Variants in NUTM2A observed in about 807,000 individuals in gnomAD.
NUTM2A encodes NUT family member 2A, also known as family with sequence similarity 22, member A.
Under a neutral mutation model 24.4 loss-of-function variants are expected in NUTM2A, and 3 were observed. That is an observed-to-expected ratio of 0.12 (90% CI 0.06 to 0.32). The LOEUF is 0.32. NUTM2A is among the 10% of genes least tolerant of loss of function. NUTM2A has a pLI of 1.00. For synonymous variants in NUTM2A, 11 were observed against 278.4 expected (o/e 0.04, Z 9.56); for missense variants, 39 against 631.1 (o/e 0.06, Z 10.05).
chr10:87,229,262 G>A (rs1589298509), intron 2 of NUTM2A, among the ~76,000 whole-genome samples: 1 of 152,186 alleles, frequency 6.6e-6, no homozygotes, highest in South Asian at 2.1e-4. Context: ...GGTGTGACGT[G>A]AGCTACGGTT....
intron 2 of NUTM2A, among the ~76,000 whole-genome samples, chr10:87,229,247 T>C (rs1252874492): frequency 6.6e-6 from 1 of 151,978 alleles, no homozygotes; most frequent in Non-Finnish European, 1.5e-5. Flanking sequence ...TCAGAGAGGG[T>C]TCCTGGTGTG....
Position 87,228,651 on chromosome 10 carries a change from T to TA in NUTM2A, c.772dup (p.Met258AsnfsTer13), listed in dbSNP as rs1849342042. On this transcript the variant is annotated frameshift_variant, in exon 2 of 7. Coordinates refer to ENST00000381707, the MANE Select transcript of NUTM2A (RefSeq NM_001099338.2). LOFTEE classifies it high-confidence loss of function. ...TGGCAGCTGCTCCTGTGGTGCCTGTTATGGCTGCCCAGGTGGTTGGGGGCA... is the reference window on the plus strand; with the variant it reads ...TGGCAGCTGCTCCTGTGGTGCCTGTTAATGGCTGCCCAGGTGGTTGGGGGCA... 1.1e-5 allele frequency: 15 copies of TA among 1,390,774 alleles called. No homozygotes were observed. Among genetic ancestry groups the TA allele is most frequent in the Non-Finnish European group, 1.5e-5 (15 of 1,027,024 alleles). The allele number at this position is 1,390,774 out of a possible 1,614,324, so 86.2% of individuals were successfully genotyped here. A position where few individuals can be genotyped will look rare whatever the true frequency, so the allele number is the denominator to read the frequency against.
In NUTM2A at chr10:87,234,885, G is replaced by C. The variant is rs1235909034; in HGVS notation, c.*177G>C. On this transcript the variant is annotated 3_prime_UTR_variant, in exon 7 of 7. Transcript: ENST00000381707. ...GCTGAATGGGGAGGGCAGGAAGGGA[G>C]GGTCTGGGGGGAAGGGGCTGGGGAG... 7.1e-7 allele frequency: 1 copy of C among 1,402,820 alleles called. No homozygotes were observed. Among genetic ancestry groups the C allele is most frequent in the Non-Finnish European group, 9.4e-7 (1 of 1,068,402 alleles). 86.9% of individuals were successfully genotyped at this position (1,402,820 alleles called of 1,614,324 possible).
intron 2 of NUTM2A, among the ~76,000 whole-genome samples, chr10:87,229,624 A>G (rs1482373327): frequency 6.6e-6 from 1 of 152,212 alleles, no homozygotes; most frequent in Non-Finnish European, 1.5e-5. Flanking sequence ...GACACATTAC[A>G]TGACAGCAGT....
In NUTM2A at chr10:87,229,126, G is replaced by T. The variant is rs1160853570; in HGVS notation, c.1082+164G>T. The stretch of plus-strand genomic sequence containing the variant: ...TTTTGACCATATTAATCTGGCTGCG[G>T]CTCAGGACAGACTGTCAGGGGCCTC... On this transcript the variant is annotated intron_variant, in intron 2 of 6. Transcript: ENST00000381707. Among the ~76,000 whole-genome samples the T allele has an allele frequency of 2.6e-5, 4 of 152,332 alleles. No homozygotes were observed. In the East Asian group the frequency reaches 5.8e-4, roughly 22 times the overall value.
chr10:87,233,191 T>C (rs1849390376), intron 5 of NUTM2A, among the ~76,000 whole-genome samples: 1 of 103,934 alleles, frequency 9.6e-6, no homozygotes, highest in Non-Finnish European at 2.1e-5. Context: ...TGTGTCTGTG[T>C]GGGTGTGAGT....
intron 5 of NUTM2A, among the ~76,000 whole-genome samples, chr10:87,233,259 TTG>T (rs1259057310): frequency 2.8e-5 from 1 of 36,338 alleles, no homozygotes; most frequent in East Asian, 4.1e-4. Context: ...GTGGGTCTGT[TTG>T]TGTGTCTGTG....
chr10:87,234,885 G>A lies in NUTM2A; in HGVS notation c.*177G>A. 7.1e-7 allele frequency: 1 copy of A among 1,402,926 alleles called. No individual in the cohort carries two copies. Among genetic ancestry groups the A allele is most frequent in the Non-Finnish European group, 9.4e-7 (1 of 1,068,396 alleles). 86.9% of individuals were successfully genotyped at this position (1,402,926 alleles called of 1,614,324 possible). ...GCTGAATGGGGAGGGCAGGAAGGGA[G>A]GGTCTGGGGGGAAGGGGCTGGGGAG... On this transcript the variant is annotated 3_prime_UTR_variant, in exon 7 of 7. Transcript: ENST00000381707.
intron 2 of NUTM2A, 95 bp downstream of exon 2, chr10:87,229,057 A>G (rs1485242663): frequency 1.2e-5 from 15 of 1,267,538 alleles, no homozygotes; most frequent in East Asian, 2.3e-5. Context: ...GGGAGCTTGC[A>G]GGGCGGTTGT....
intron 2 of NUTM2A, among the ~76,000 whole-genome samples, chr10:87,229,268 C>T (rs1469812068): frequency 4.6e-5 from 7 of 152,192 alleles, no homozygotes; most frequent in Admixed American, 6.5e-5. Context: ...ACGTGAGCTA[C>T]GGTTTGGGTT....
intron 2 of NUTM2A, among the ~76,000 whole-genome samples, chr10:87,229,417 G>A (rs1849357463): frequency 6.6e-6 from 1 of 152,242 alleles, no homozygotes; most frequent in African/African-American, 2.4e-5. Context: ...CTGAGGTCCA[G>A]TTAGCACAGC....
At chr10:87,227,620 C>T (rs1479707372) in intron 1 of NUTM2A, among the ~76,000 whole-genome samples, 2 of 18,784 alleles carry the variant, frequency 1.1e-4, no homozygotes, top group African/African-American at 1.9e-4. Flanking sequence ...CGAATCTGAC[C>T]CCTATTTAGC....
At chr10:87,233,178 T>C (rs1468869792) in intron 5 of NUTM2A, among the ~76,000 whole-genome samples, 193 bp downstream of exon 5, 2 of 107,376 alleles carry the variant, frequency 1.9e-5, no homozygotes, top group Non-Finnish European at 4.0e-5. Flanking sequence ...CTGTGTGTCT[T>C]TGTGTGTCTG....
chr10:87,228,211 AGT>A (rs1187464950), intron 1 of NUTM2A, 50 bp from the exon 2 acceptor site: 2 of 1,275,294 alleles, frequency 1.6e-6, no homozygotes, highest in African/African-American at 3.0e-5. Context: ...CCCAGTGACT[AGT>A]GTGGACCTGG....
chr10:87,228,746 T>A lies in NUTM2A; in HGVS notation c.866T>A (p.Leu289Gln), dbSNP rs1432012837. The A allele has an allele frequency of 9.2e-7, 1 of 1,082,620 alleles. No homozygotes were observed. Among genetic ancestry groups the A allele is most frequent in the African/African-American group, 1.7e-5 (1 of 59,488 alleles). The allele number at this position is 1,082,620 out of a possible 1,614,324, so 67.1% of individuals were successfully genotyped here. The change falls in exon 2 of 7, where the codon CTG becomes CAG. Residue 289 changes from leucine to glutamine, a missense_variant. Coordinates refer to ENST00000381707, the MANE Select transcript of NUTM2A (RefSeq NM_001099338.2). The part of the protein sequence containing the change: ...LPPPPPPAAQ[L>Q]PPIVSQGNAG... ...CCACCACCACCACCGGCTGCCCAGC[T>A]GCCCCCCATTGTGTCCCAAGGGAAT...
chr10:87,229,250 C>T (rs868500196), intron 2 of NUTM2A, among the ~76,000 whole-genome samples: 708 of 152,050 alleles, frequency 4.7e-3, no homozygotes, highest in African/African-American at 0.017. Context: ...GAGAGGGTTC[C>T]TGGTGTGACG....
intron 2 of NUTM2A, among the ~76,000 whole-genome samples, chr10:87,229,589 T>C (rs868443816): frequency 6.6e-6 from 1 of 152,208 alleles, no homozygotes; most frequent in Non-Finnish European, 1.5e-5. Flanking sequence ...ATGACATGCA[T>C]AGCACAGTGC....
Position 87,234,888 on chromosome 10 carries a change from TCTGGGGGGAAGGGG to T in NUTM2A, c.*187_*200del. 8.9e-7 allele frequency: 1 copy of T among 1,122,572 alleles called. No homozygotes were observed. Among genetic ancestry groups the T allele is most frequent in the Non-Finnish European group, 1.2e-6 (1 of 856,916 alleles). The allele number at this position is 1,122,572 out of a possible 1,614,324, so 69.5% of individuals were successfully genotyped here. On this transcript the variant is annotated 3_prime_UTR_variant, in exon 7 of 7. Transcript: ENST00000381707. ...GAATGGGGAGGGCAGGAAGGGAGGG[TCTGGGGGGAAGGGG>T]CTGGGGAGTGGGGGTGGGAAGCAGT...
chr10:87,232,540 CT>C (rs1288572400), intron 4 of NUTM2A, 62 bp from the exon 5 acceptor site: 1 of 757,278 alleles, frequency 1.3e-6, no homozygotes, highest in East Asian at 2.6e-5. Context: ...CTGCCCTCCC[CT>C]GTGTGGTGCC....
Sources: allele counts gnomAD v4.1 joint callset (sites outside exome capture counted in the v4.1 genomes callset), GRCh38; gene constraint gnomAD v4.1.1; transcripts MANE v1.5; gene names NCBI Gene and HGNC (gene_info 2026-07-23, HGNC 2026-07-21).